The following CLEC4C variants were observed in gnomAD, a reference collection of about 807,000 sequenced individuals.
CLEC4C encodes the protein C-type (calcium dependent, carbohydrate-recognition domain) lectin, superfamily member 11.
Under a neutral mutation model 27.7 loss-of-function variants are expected in CLEC4C, and 17 were observed. The observed-to-expected ratio is 0.61, with a 90% confidence interval of 0.42 to 0.92. The LOEUF (loss-of-function observed/expected upper bound fraction) is 0.92, where lower values mean the gene tolerates loss of function less well. CLEC4C is among the 40% of genes least tolerant of loss of function. CLEC4C has a pLI of 0.00. For missense variants in CLEC4C, 244 were observed against 257.3 expected (o/e 0.95, Z 0.35); for synonymous variants, 80 against 80.8 (o/e 0.99, Z 0.06).
chr12:7,737,069 A>G (rs1864742842), intron 4 of CLEC4C, among the ~76,000 whole-genome samples: 1 of 151,982 alleles, frequency 6.6e-6, no homozygotes, highest in South Asian at 2.1e-4. Flanking sequence ...CGTCTCTTCT[A>G]AAAATACAAA....
intron 1 of CLEC4C, among the ~76,000 whole-genome samples, 159 bp downstream of exon 1, chr12:7,747,159 A>G (rs762265897): frequency 6.6e-6 from 1 of 151,990 alleles, no homozygotes. Flanking sequence ...CCCTGATCCA[A>G]GTATCTTGGG....
chr12:7,731,016 A>G (rs936466918), intron 4 of CLEC4C, 104 bp from the exon 5 acceptor site: 5 of 589,024 alleles, frequency 8.5e-6, no homozygotes, highest in African/African-American at 1.9e-5. Flanking sequence ...AGCCTCATGC[A>G]TTTCAAGGAA....
chr12:7,746,384 A>G lies in CLEC4C; in HGVS notation c.71T>C (p.Met24Thr), dbSNP rs370834457. 5.6e-6 allele frequency: 9 copies of G among 1,613,858 alleles called. No individual in the cohort carries two copies. The highest frequency in any genetic ancestry group is 7.6e-6 in the Non-Finnish European group (9 of 1,179,906). The change falls in exon 2 of 6, where the codon ATG (methionine) becomes ACG (threonine). Residue 24 changes from methionine (M) to threonine (T), a missense_variant. Transcript: ENST00000360345. ...GAGGAGCAAGATGGATACGACTGCC[A>G]TGGACCAGACCTTCAACTGGAACCA... Reference protein sequence around the residue: ...LWWFQLKVWSMAVVSILLLSV... With the variant: ...LWWFQLKVWSTAVVSILLLSV...
chr12:7,745,633 A>C (rs1019733855), intron 2 of CLEC4C, among the ~76,000 whole-genome samples: 2 of 151,030 alleles, frequency 1.3e-5, no homozygotes, highest in Non-Finnish European at 3.0e-5. Context: ...GGGTTTCACT[A>C]TATGGTCCAA....
rs146034364 is a variant in CLEC4C at position 7,740,561 on chromosome 12, C to A, written c.235+860G>T. ...CTAAAATACAAAAAAATTAGCCGGG[C>A]CTGGCAGCGTGTGCCTGTAGTCCCA... is the stretch of plus-strand genomic sequence containing the variant. On this transcript the variant is annotated intron_variant, in intron 3 of 5. Transcript: ENST00000360345. Among the ~76,000 whole-genome samples the A allele has an allele frequency of 7.6e-3, 1,151 of 151,742 alleles. 13 individuals are homozygous for A. The highest frequency in any genetic ancestry group is 0.026 in the African/African-American group (1,079 of 41,460).
intron 2 of CLEC4C, among the ~76,000 whole-genome samples, chr12:7,745,078 C>A (rs142990437): frequency 1.3e-5 from 2 of 152,126 alleles, no homozygotes; most frequent in Non-Finnish European, 1.5e-5. Flanking sequence ...GCACACCCAT[C>A]AAAGTGGAGT....
rs1354351885 is a variant in CLEC4C, at chr12:7,729,741, C to A, written c.498-1G>T. ...ATTGGGTTCACCTGAGTGCCAGAAT[C>A]TGAAAGGTAGATAAAGGACAGTGGT... On this transcript the variant is annotated splice_acceptor_variant, in intron 5 of 5. Transcript: ENST00000360345. LOFTEE classifies it high-confidence loss of function. The A allele has an allele frequency of 6.2e-6, 10 of 1,613,684 alleles. No homozygotes were observed. The highest frequency in any genetic ancestry group is 8.5e-6 in the Non-Finnish European group (10 of 1,179,786).
At position 7,735,588 on chromosome 12, in the gene CLEC4C, C is replaced by T. The variant is rs774157401; in HGVS notation, c.381+1841G>A. ...TTGGGAGACCGAGGCAGGCAGATCA[C>T]GAGGTCAGGAGTTTGAGACTAGCCT... On this transcript the variant is annotated intron_variant, in intron 4 of 5. Coordinates refer to ENST00000360345, the MANE Select transcript of CLEC4C (RefSeq NM_001371390.1). 3.6e-3 allele frequency among the ~76,000 whole-genome samples: 533 copies of T among 148,240 alleles called. 3 individuals are homozygous for T. The highest frequency in any genetic ancestry group is 0.013 in the African/African-American group (512 of 40,276).
In CLEC4C at chr12:7,729,475, G is replaced by T. The variant is rs964286232; in HGVS notation, c.*121C>A. 30 of 786,604 alleles carry T rather than the reference G, an allele frequency of 3.8e-5. No homozygotes were observed. Among genetic ancestry groups the T allele is most frequent in the Non-Finnish European group, 6.1e-5 (30 of 489,302 alleles). 48.7% of individuals were successfully genotyped at this position (786,604 alleles called of 1,614,324 possible). A position where few individuals can be genotyped will look rare whatever the true frequency, so the allele number is the denominator to read the frequency against. On this transcript the variant is annotated 3_prime_UTR_variant, in exon 6 of 6. Transcript: ENST00000360345. ...TATATCATAAGTGTAATAGGTGACA[G>T]CCTGCTGAAACATTTTAGGGGCATT...
intron 3 of CLEC4C, among the ~76,000 whole-genome samples, chr12:7,739,202 T>C (rs1864797768): frequency 6.7e-6 from 1 of 149,256 alleles, no homozygotes; most frequent in Non-Finnish European, 1.5e-5. Flanking sequence ...AACCTTCGCC[T>C]CCCGGGTTCA....
At position 7,729,586 on chromosome 12, in the gene CLEC4C, A is replaced by T. The variant is rs1243629270; in HGVS notation, c.*10T>A. On this transcript the variant is annotated 3_prime_UTR_variant, in exon 6 of 6. Transcript: ENST00000360345. ...CCAACCCAAACACATTTCCAGGGAG[A>T]ATATTTCATTTATATGTAGATCTTC... 1 of 1,611,870 alleles carries T rather than the reference A, an allele frequency of 6.2e-7. No homozygotes were observed. Among genetic ancestry groups the T allele is most frequent in the Non-Finnish European group, 8.5e-7 (1 of 1,178,786 alleles).
rs1864750978 is a variant in CLEC4C, at chr12:7,737,372, CTT to C, written c.381+55_381+56del. On this transcript the variant is annotated intron_variant, in intron 4 of 5. Transcript: ENST00000360345. ...GAACTTTCAGGGCAATAAAAAGACT[CTT>C]TATCAGTTAAGAAAGGAAACAGATT... 8 of 1,198,834 alleles carry C rather than the reference CTT, an allele frequency of 6.7e-6. No individual in the cohort carries two copies. In the Admixed American group the frequency reaches 1.0e-4, roughly 16 times the overall value. The allele number at this position is 1,198,834 out of a possible 1,614,324, so 74.3% of individuals were successfully genotyped here. A position where few individuals can be genotyped will look rare whatever the true frequency, so the allele number is the denominator to read the frequency against.
intron 3 of CLEC4C, among the ~76,000 whole-genome samples, chr12:7,738,438 T>C (rs1864777543): frequency 6.6e-6 from 1 of 152,202 alleles, no homozygotes; most frequent in South Asian, 2.1e-4. Flanking sequence ...TAACAAACAG[T>C]GACAATGTAG....
rs753821735 is a variant in CLEC4C, at chr12:7,729,454, T to C, written c.*142A>G. ...TAAATGAATGTGTGAATGGATTATA[T>C]CATAAGTGTAATAGGTGACAGCCTG... On this transcript the variant is annotated 3_prime_UTR_variant, in exon 6 of 6. Transcript: ENST00000360345. 450 of 654,504 alleles carry C rather than the reference T, an allele frequency of 6.9e-4. 3 individuals carry two copies. In the Middle Eastern group the frequency reaches 0.013, roughly 19 times the overall value. The allele number at this position is 654,504 out of a possible 1,614,324, so 40.5% of individuals were successfully genotyped here. A position where few individuals can be genotyped will look rare whatever the true frequency, so the allele number is the denominator to read the frequency against.
At chr12:7,742,901 C>A (rs759122008) in intron 2 of CLEC4C, among the ~76,000 whole-genome samples, 2 of 152,166 alleles carry the variant, frequency 1.3e-5, no homozygotes, top group African/African-American at 4.8e-5. Context: ...TCTTGCCCAT[C>A]CCATTTCAAG....
upstream of CLEC4C, chr12:7,747,445 T>C: frequency 7.8e-7 from 1 of 1,281,352 alleles, no homozygotes; most frequent in Non-Finnish European, 1.1e-6. Context: ...GTGTGGTTCT[T>C]TCAAACAAGC....
intron 4 of CLEC4C, among the ~76,000 whole-genome samples, chr12:7,732,737 C>T (rs1033392166): frequency 7.3e-5 from 11 of 151,254 alleles, no homozygotes; most frequent in African/African-American, 2.2e-4. Flanking sequence ...CTGAGGATGG[C>T]GGATCACGAG....
rs149122444 is a variant in CLEC4C at position 7,733,433 on chromosome 12, T to G, written c.382-2521A>C. Among the ~76,000 whole-genome samples, 478 of 151,420 alleles carry G rather than the reference T, an allele frequency of 3.2e-3. 9 individuals carry two copies. Among genetic ancestry groups the G allele is most frequent in the African/African-American group, 0.011 (454 of 41,086 alleles). The stretch of plus-strand genomic sequence containing the variant: ...TGTATGCCACCACACCTGGCTAATT[T>G]TTGTATTTTTAGTAGAGATGGAGTT... On this transcript the variant is annotated intron_variant, in intron 4 of 5. Coordinates refer to ENST00000360345, the MANE Select transcript of CLEC4C (RefSeq NM_001371390.1).
Position 7,737,489 on chromosome 12 carries a change from A to C in CLEC4C, c.321T>G (p.Ser107Arg), listed in dbSNP as rs1864755019. Residue 107 changes from serine (S) to arginine (R), a missense_variant, in exon 4 of 6, where the codon AGT (serine) becomes AGG (arginine). Transcript: ENST00000360345. ...ISTGMQSWTK[S>R]QKNCSVMGAD... ...CCCCCATCACAGAACAGTTCTTTTGACTCTTAGTCCAAGATTGCATCCCAG... is the reference window on the plus strand; with the variant it reads ...CCCCCATCACAGAACAGTTCTTTTGCCTCTTAGTCCAAGATTGCATCCCAG... The C allele has an allele frequency of 6.2e-7, 1 of 1,613,728 alleles. No individual in the cohort carries two copies. The highest frequency in any genetic ancestry group is 8.5e-7 in the Non-Finnish European group (1 of 1,179,954).
Sources: gnomAD v4.1 joint callset for allele counts (sites outside exome capture counted in the v4.1 genomes callset) on GRCh38, gnomAD v4.1.1 for gene constraint, MANE v1.5 for transcripts, NCBI Gene and HGNC (gene_info 2026-07-23, HGNC 2026-07-21) for gene names.